Variants in ZNF385D observed in about 807,000 individuals in gnomAD.
ZNF385D encodes the protein zinc finger protein 659.
Under a neutral mutation model 35.8 loss-of-function variants are expected in ZNF385D, and 15 were observed. That is an observed-to-expected ratio of 0.42 (90% CI 0.28 to 0.64). The LOEUF is 0.64. ZNF385D is among the 30% of genes least tolerant of loss of function. The probability of loss-of-function intolerance (pLI) is 0.23; values close to 1 mark genes in which losing one functional copy is unlikely to be tolerated. For missense variants in ZNF385D, 474 were observed against 494.6 expected (o/e 0.96, Z 0.39); for synonymous variants, 212 against 186.8 (o/e 1.13, Z -1.10).
At position 22,318,506 on chromosome 3, in the gene ZNF385D, A is replaced by G. The variant is rs530780910; in HGVS notation, c.106+53944T>C. ...ATGTGGAGAATAAACTAGGAGATAAATTAAATTTGAGTACAAATGTTTCTG... is the reference window on the plus strand; with the variant it reads ...ATGTGGAGAATAAACTAGGAGATAAGTTAAATTTGAGTACAAATGTTTCTG... On this transcript the variant is annotated intron_variant, in intron 2 of 5. Transcript: ENST00000494108. 5.3e-5 allele frequency among the ~76,000 whole-genome samples: 8 copies of G among 152,300 alleles called. No individual in the cohort carries two copies. The East Asian group carries it at 1.5e-3, about 29-fold the overall frequency.
intron 3 of ZNF385D, among the ~76,000 whole-genome samples, chr3:21,545,581 G>T (rs2062343454): frequency 6.6e-6 from 1 of 152,174 alleles, no homozygotes; most frequent in Non-Finnish European, 1.5e-5. Context: ...TATTCTTATG[G>T]CAATATAGTT....
intron 3 of ZNF385D, among the ~76,000 whole-genome samples, chr3:21,886,499 GACTA>G (rs1698554271): frequency 6.6e-6 from 1 of 151,934 alleles, no homozygotes; most frequent in African/African-American, 2.4e-5. Context: ...TGCTCATTGT[GACTA>G]ACTCTGTTCC....
At chr3:21,997,876 TG>T (rs1695579482) in intron 3 of ZNF385D, among the ~76,000 whole-genome samples, 1 of 98,592 alleles carries the variant, frequency 1.0e-5, no homozygotes, top group East Asian at 3.0e-4. Context: ...CGCGCGCGTG[TG>T]TGTGTGTGTG....
chr3:22,265,801 T>A (rs950094721), intron 2 of ZNF385D, among the ~76,000 whole-genome samples: 1 of 151,998 alleles, frequency 6.6e-6, no homozygotes, highest in Non-Finnish European at 1.5e-5. Context: ...TAACATTTGC[T>A]GCCTCATTTT....
chr3:22,196,007 C>T (rs960575664), intron 2 of ZNF385D, among the ~76,000 whole-genome samples: 1 of 151,898 alleles, frequency 6.6e-6, no homozygotes, highest in Non-Finnish European at 1.5e-5. Context: ...GAACAATACA[C>T]ATTGGGGTCT....
chr3:22,368,350 C>T (rs1192842161), intron 2 of ZNF385D, among the ~76,000 whole-genome samples: 2 of 152,170 alleles, frequency 1.3e-5, no homozygotes, highest in Non-Finnish European at 2.9e-5. Context: ...ATTGAAACCA[C>T]ATTTATAATA....
intron 3 of ZNF385D, among the ~76,000 whole-genome samples, chr3:21,990,787 C>A (rs1241500553): frequency 6.6e-6 from 1 of 152,160 alleles, no homozygotes; most frequent in Non-Finnish European, 1.5e-5. Flanking sequence ...ATTGCTAACT[C>A]AGATGGGAAA....
At chr3:21,569,189 G>T (rs2063246828) in intron 2 of ZNF385D, among the ~76,000 whole-genome samples, 11 of 150,882 alleles carry the variant, frequency 7.3e-5, no homozygotes, top group African/African-American at 2.5e-4. Flanking sequence ...ATTATTGTGT[G>T]GGAGTCTAAG....
intron 3 of ZNF385D, among the ~76,000 whole-genome samples, chr3:21,860,314 A>G (rs568877437): frequency 8.0e-4 from 122 of 152,234 alleles, no homozygotes; most frequent in African/African-American, 2.9e-3. Context: ...AATGGGTGGG[A>G]CTGCATTACT....
rs545637768 is a variant in ZNF385D, at chr3:21,949,296, G to A, written c.325+219521C>T. Among the ~76,000 whole-genome samples the A allele has an allele frequency of 4.6e-5, 7 of 152,280 alleles. No individual in the cohort carries two copies. The East Asian group carries it at 1.4e-3, about 29-fold the overall frequency. ...GGTGTCCTTTTAGATATTTGTGAGT[G>A]TTTGTGTCTGTGTGTGCACACATTA... is the stretch of plus-strand genomic sequence containing the variant. On this transcript the variant is annotated intron_variant, in intron 3 of 5. Coordinates refer to the ZNF385D transcript ENST00000494108.
intron 3 of ZNF385D, among the ~76,000 whole-genome samples, chr3:22,149,303 A>T (rs1705076143): frequency 6.6e-6 from 1 of 151,972 alleles, no homozygotes; most frequent in South Asian, 2.1e-4. Context: ...ATTTAACAAG[A>T]ACTAATAGTA....
At chr3:21,764,018 A>G (rs1345776340) in intron 3 of ZNF385D, among the ~76,000 whole-genome samples, 6 of 152,166 alleles carry the variant, frequency 3.9e-5, no homozygotes, top group African/African-American at 1.2e-4. Context: ...AGGTGGATCA[A>G]TGGCTACAAC....
At chr3:22,265,462 T>C (rs1317827701) in intron 2 of ZNF385D, among the ~76,000 whole-genome samples, 1 of 151,986 alleles carries the variant, frequency 6.6e-6, no homozygotes, top group Non-Finnish European at 1.5e-5. Flanking sequence ...AGCAGAAACA[T>C]TTAAAACTCA....
intron 2 of ZNF385D, among the ~76,000 whole-genome samples, chr3:22,305,182 A>T (rs1439169611): frequency 6.6e-6 from 1 of 152,042 alleles, no homozygotes; most frequent in African/African-American, 2.4e-5. Context: ...TTTTATTGAG[A>T]ACAAAAGCAG....
chr3:21,909,517 T>C (rs978074375), intron 3 of ZNF385D, among the ~76,000 whole-genome samples: 4 of 152,038 alleles, frequency 2.6e-5, no homozygotes, highest in African/African-American at 4.8e-5. Flanking sequence ...TCTTTAAATA[T>C]AGCTAAATAT....
chr3:21,998,062 T>G (rs977265376), intron 3 of ZNF385D, among the ~76,000 whole-genome samples: 1 of 152,120 alleles, frequency 6.6e-6, no homozygotes, highest in Admixed American at 6.5e-5. Flanking sequence ...TATATTTGCA[T>G]GCTATATGCC....
intron 3 of ZNF385D, among the ~76,000 whole-genome samples, chr3:22,102,567 A>G (rs1236937802): frequency 6.6e-6 from 1 of 152,114 alleles, no homozygotes; most frequent in African/African-American, 2.4e-5. Context: ...CAGGAAGATT[A>G]GCAACTTCTT....
At chr3:21,901,216 A>AT in intron 3 of ZNF385D, among the ~76,000 whole-genome samples, 1 of 152,132 alleles carries the variant, frequency 6.6e-6, no homozygotes, top group Non-Finnish European at 1.5e-5. Context: ...AATCCTTGTG[A>AT]TCCCCCTGCC....
intron 3 of ZNF385D, among the ~76,000 whole-genome samples, chr3:22,040,294 T>C (rs942481808): frequency 2.4e-4 from 37 of 152,174 alleles, no homozygotes; most frequent in Non-Finnish European, 5.0e-4. Context: ...AAGACTAAAT[T>C]CTTCATATTA....
Sources: gnomAD v4.1 joint callset for allele counts (sites outside exome capture counted in the v4.1 genomes callset) on GRCh38, gnomAD v4.1.1 for gene constraint, MANE v1.5 for transcripts, NCBI Gene and HGNC (gene_info 2026-07-23, HGNC 2026-07-21) for gene names.